Variants in NPRL3 observed in about 807,000 individuals in gnomAD.
The protein encoded by NPRL3 is NPR3 like, GATOR1 complex subunit.
In NPRL3, 23 loss-of-function variants were observed where a neutral mutation model predicts 57.2. The observed-to-expected ratio is 0.40, with a 90% confidence interval of 0.29 to 0.57. NPRL3 has a LOEUF of 0.57. Among genes scored for constraint, NPRL3 ranks in the 20% least tolerant of loss-of-function variants. The pLI is 0.42. For synonymous variants in NPRL3, 333 were observed against 321.1 expected (o/e 1.04, Z -0.39); for missense variants, 691 against 767.1 (o/e 0.90, Z 1.17).
chr16:121,574 C>T (rs1163866333), intron 3 of NPRL3, among the ~76,000 whole-genome samples: 1 of 150,976 alleles, frequency 6.6e-6, no homozygotes, highest in African/African-American at 2.4e-5. Context: ...GAGCGGAGAT[C>T]GTGCCACTGC....
intron 7 of NPRL3, 142 bp downstream of exon 7, chr16:110,383 C>G (rs1244192969): frequency 1.7e-6 from 1 of 576,440 alleles, no homozygotes; most frequent in East Asian, 2.9e-5. Flanking sequence ...CCTCTCCGGC[C>G]CTAACCTCAG....
chr16:109,743 G>A (rs147941296), intron 7 of NPRL3, among the ~76,000 whole-genome samples: 20 of 152,192 alleles, frequency 1.3e-4, no homozygotes, highest in Non-Finnish European at 1.8e-4. Flanking sequence ...ATCGAGTCTC[G>A]TGAAATTGTG....
intron 3 of NPRL3, chr16:125,076 C>CA (rs61016911): frequency 0.058 from 3,861 of 66,232 alleles, 65 homozygotes; most frequent in Non-Finnish European, 0.071. Context: ...AACTTTGTCT[C>CA]AAAAAAAAAA....
At chr16:128,725 G>A (rs935004509) in intron 3 of NPRL3, among the ~76,000 whole-genome samples, 4 of 151,954 alleles carry the variant, frequency 2.6e-5, no homozygotes, top group Admixed American at 2.0e-4. Context: ...CTGAGATCGC[G>A]CCACTGCACT....
chr16:129,405 A>G (rs1467695292), intron 3 of NPRL3, among the ~76,000 whole-genome samples: 1 of 152,150 alleles, frequency 6.6e-6, no homozygotes, highest in Non-Finnish European at 1.5e-5. Flanking sequence ...TGACGGTCCA[A>G]TGGGGTGTCC....
chr16:126,925 CAGCAATGTGATCTTGGCTT>C (rs1410730098), intron 3 of NPRL3: 1 of 151,950 alleles, frequency 6.6e-6, no homozygotes, highest in Non-Finnish European at 1.5e-5. Context: ...AGTTGGAGTG[CAGCAATGTGATCTTGGCTT>C]GTGGCAATCT....
In NPRL3 at chr16:112,742, G is replaced by A. The variant is rs764927474; in HGVS notation, c.427C>T (p.His143Tyr). 3.1e-5 allele frequency: 50 copies of A among 1,611,284 alleles called. No individual in the cohort carries two copies. The highest frequency in any genetic ancestry group is 1.5e-4 in the South Asian group (14 of 90,876). ...GTGGCGATACGACGGGACAGGTTATGCAGACAGTTTATCACTGACGGGTCT... is the reference window on the plus strand; with the variant it reads ...GTGGCGATACGACGGGACAGGTTATACAGACAGTTTATCACTGACGGGTCT... ...NADPSVINCL[H>Y]NLSRRIATVL... Residue 143 changes from histidine to tyrosine, a missense_variant, in exon 6 of 14, where the codon CAT (histidine) becomes TAT (tyrosine). Coordinates refer to ENST00000611875, the MANE Select transcript of NPRL3 (RefSeq NM_001077350.3).
In NPRL3 at chr16:92,626, A is replaced by C. The variant is rs1192413790; in HGVS notation, c.1131T>G (p.Phe377Leu). Residue 377 changes from phenylalanine (F) to leucine (L), a missense_variant, in exon 11 of 14, where the codon TTT becomes TTG. Transcript: ENST00000611875. The part of the protein sequence containing the change: ...KFSLPVSLSE[F>L]RNPLAPAVQE... ...GCACAGCGGGGGCCAGGGGATTCCTAAATTCTGACAAGGAGACCGGCAAGG... is the reference window on the plus strand; with the variant it reads ...GCACAGCGGGGGCCAGGGGATTCCTCAATTCTGACAAGGAGACCGGCAAGG... 6.2e-7 allele frequency: 1 copy of C among 1,613,420 alleles called. No homozygotes were observed. Among genetic ancestry groups the C allele is most frequent in the Non-Finnish European group, 8.5e-7 (1 of 1,179,716 alleles).
intron 7 of NPRL3, among the ~76,000 whole-genome samples, chr16:105,908 G>A (rs117563071): frequency 0.011 from 1,739 of 152,308 alleles, 12 homozygotes; most frequent in Non-Finnish European, 0.017. Context: ...AAGTGTTGGG[G>A]TGGCCTCCTG....
chr16:86,580 C>G lies in NPRL3; in HGVS notation c.*125G>C, dbSNP rs919928179. 2.0e-6 allele frequency: 2 copies of G among 994,572 alleles called. No homozygotes were observed. The highest frequency in any genetic ancestry group is 3.3e-5 in the African/African-American group (2 of 61,418). 61.6% of individuals were successfully genotyped at this position (994,572 alleles called of 1,614,324 possible). A position where few individuals can be genotyped will look rare whatever the true frequency, so the allele number is the denominator to read the frequency against. On this transcript the variant is annotated 3_prime_UTR_variant, in exon 14 of 14. Coordinates refer to ENST00000611875, the MANE Select transcript of NPRL3 (RefSeq NM_001077350.3). ...AGGCTTCACTGGGCCACGGCCAGCCCGCATCCACCCAATGCCAGGCCTCAG... is the reference window on the plus strand; with the variant it reads ...AGGCTTCACTGGGCCACGGCCAGCCGGCATCCACCCAATGCCAGGCCTCAG...
In NPRL3 at chr16:138,336, T is replaced by A. The variant is rs2857995; in HGVS notation, c.-67-2A>T. ...GACGGAGCCGGAGGCGGAGGGGGCC[T>A]GAGGAGGACGGAGCCGGAGGCGGAG... On this transcript the variant is annotated splice_acceptor_variant, in intron 1 of 13. Coordinates refer to ENST00000611875, the MANE Select transcript of NPRL3 (RefSeq NM_001077350.3). LOFTEE classifies it low-confidence loss of function (5UTR_SPLICE). 0.01 allele frequency: 5,475 copies of A among 545,638 alleles called. No individual in the cohort carries two copies. Among genetic ancestry groups the A allele is most frequent in the Admixed American group, 0.031 (364 of 11,806 alleles). The allele number at this position is 545,638 out of a possible 1,614,324, so 33.8% of individuals were successfully genotyped here. A position where few individuals can be genotyped will look rare whatever the true frequency, so the allele number is the denominator to read the frequency against.
In NPRL3 at chr16:110,561, C is replaced by A. The variant is rs956042191; in HGVS notation, c.593G>T (p.Cys198Phe). Residue 198 changes from cysteine to phenylalanine, a missense_variant, in exon 7 of 14, where the codon TGC becomes TTC. Transcript: ENST00000611875. Reference protein sequence around the residue: ...QSPFHHILPKCKLARDLKEAY... With the variant: ...QSPFHHILPKFKLARDLKEAY... ...TTCCTTGAGGTCCCTGGCCAGCTTG[C>A]ACTTGGGCAGGATGTGATGGAATGG... 3 of 1,612,220 alleles carry A rather than the reference C, an allele frequency of 1.9e-6. No homozygotes were observed. In the Admixed American group the frequency reaches 5.0e-5, roughly 27 times the overall value.
intron 7 of NPRL3, among the ~76,000 whole-genome samples, chr16:103,296 ATTTTTTTT>A (rs533871530): frequency 0.14 from 5,863 of 41,960 alleles, 709 homozygotes; most frequent in Admixed American, 0.35. Context: ...GCCTGGGGTG[ATTTTTTTT>A]TTTTTTTTTT....
chr16:88,846 A>T lies in NPRL3; in HGVS notation c.1396T>A (p.Ser466Thr). The T allele has an allele frequency of 6.2e-7, 1 of 1,613,680 alleles. No homozygotes were observed. The highest frequency in any genetic ancestry group is 8.5e-7 in the Non-Finnish European group (1 of 1,179,762). The change falls in exon 13 of 14, where the codon TCC (serine) becomes ACC (threonine). Residue 466 changes from serine (S) to threonine (T), a missense_variant. Transcript: ENST00000611875. ...CCGCTGGGAAGTAGCTCTGCGCTGG[A>T]GTTGTCCATGCTGGGGCTGGTGAGG... Reference protein sequence around the residue: ...MTLTSPSMDNSSAELLPSGDS... With the variant: ...MTLTSPSMDNTSAELLPSGDS...
At chr16:99,480 T>C (rs1023265691) in intron 8 of NPRL3, among the ~76,000 whole-genome samples, 1 of 151,692 alleles carries the variant, frequency 6.6e-6, no homozygotes, top group African/African-American at 2.4e-5. Context: ...CCATCTCTAC[T>C]AAAAATACAA....
Position 100,494 on chromosome 16 carries a change from G to A in NPRL3, c.645C>T (p.Gly215=), listed in dbSNP as rs770998374. The A allele has an allele frequency of 7.6e-6, 12 of 1,585,546 alleles. No homozygotes were observed. Among genetic ancestry groups the A allele is most frequent in the Admixed American group, 3.7e-5 (2 of 54,056 alleles). The change falls in exon 8 of 14, where the codon GGC becomes GGT. Residue 215 remains glycine, a synonymous_variant. Transcript: ENST00000611875. The part of the protein sequence containing the change: ...KEAYDSLCTS[G]VVRLHINSWL... ...AGCTGTTGATGTGAAGCCGAACTAC[G>A]CCCGACGTGCACAGGCTGCAGAGAG...
intron 5 of NPRL3, among the ~76,000 whole-genome samples, chr16:115,062 C>T (rs1393832244): frequency 6.6e-6 from 1 of 151,892 alleles, no homozygotes; most frequent in Admixed American, 6.6e-5. Flanking sequence ...GCCACCTTGA[C>T]CTTCCAGGCT....
rs190490261 is a variant in NPRL3 at position 102,924 on chromosome 16, C to T, written c.630-2415G>A. 2.9e-3 allele frequency among the ~76,000 whole-genome samples: 438 copies of T among 152,154 alleles called. 2 individuals carry two copies. The highest frequency in any genetic ancestry group is 4.3e-3 in the Non-Finnish European group (290 of 67,996). On this transcript the variant is annotated intron_variant, in intron 7 of 13. Coordinates refer to ENST00000611875, the MANE Select transcript of NPRL3 (RefSeq NM_001077350.3). ...CAGGGTCTTTGCAGGGTGAAAAACTCGTATCAAACCCTGAGAAATGTCCCA... is the reference window on the plus strand; with the variant it reads ...CAGGGTCTTTGCAGGGTGAAAAACTTGTATCAAACCCTGAGAAATGTCCCA...
chr16:112,724 T>C lies in NPRL3; in HGVS notation c.445A>G (p.Ile149Val). The C allele has an allele frequency of 6.2e-7, 1 of 1,612,400 alleles. No homozygotes were observed. Among genetic ancestry groups the C allele is most frequent in the South Asian group, 1.1e-5 (1 of 90,848 alleles). The change falls in exon 6 of 14, where the codon ATC becomes GTC. Residue 149 changes from isoleucine to valine, a missense_variant. Transcript: ENST00000611875. Reference protein sequence around the residue: ...INCLHNLSRRIATVLQHEERR... With the variant: ...INCLHNLSRRVATVLQHEERR... The stretch of plus-strand genomic sequence containing the variant: ...TCCTCGTGCTGCAGCACGGTGGCGA[T>C]ACGACGGGACAGGTTATGCAGACAG...
Sources: gnomAD v4.1 joint callset for allele counts (sites outside exome capture counted in the v4.1 genomes callset) on GRCh38, gnomAD v4.1.1 for gene constraint, MANE v1.5 for transcripts, NCBI Gene and HGNC (gene_info 2026-07-23, HGNC 2026-07-21) for gene names.